ARFGAP3: variants seen among roughly 807,000 people sequenced by gnomAD.
The protein encoded by ARFGAP3 is ADP-ribosylation factor GTPase-activating protein 3.
A neutral mutation model predicts 75.0 loss-of-function variants in ARFGAP3; 72 were observed. The observed-to-expected ratio is 0.96, with a 90% confidence interval of 0.79 to 1.17. The LOEUF (loss-of-function observed/expected upper bound fraction) is 1.17. Among genes scored for constraint, ARFGAP3 ranks in the 50% most tolerant of loss-of-function variants. The pLI, the probability that ARFGAP3 is intolerant of heterozygous loss-of-function variation, is 0.00. For synonymous variants in ARFGAP3, 221 were observed against 217.9 expected, an observed-to-expected ratio of 1.01 and a Z score of -0.13; for missense variants, 620 against 626.6, an observed-to-expected ratio of 0.99 and a Z score of 0.11.
At chr22:42,843,362 C>T (rs1046091038) in intron 2 of ARFGAP3, among the ~76,000 whole-genome samples, 1 of 152,170 alleles carries the variant, frequency 6.6e-6, no homozygotes, top group African/African-American at 2.4e-5. Context: ...TCTGAAGGTC[C>T]GAGTGCTGAC....
At chr22:42,849,181 G>A (rs749716420) in intron 1 of ARFGAP3, among the ~76,000 whole-genome samples, 35 of 152,138 alleles carry the variant, frequency 2.3e-4, no homozygotes, top group Admixed American at 1.4e-3. Flanking sequence ...AAAGACCCTG[G>A]GTCAGAAGCA....
intron 1 of ARFGAP3, among the ~76,000 whole-genome samples, chr22:42,854,868 G>A (rs1927430939): frequency 6.6e-6 from 1 of 152,056 alleles, no homozygotes; most frequent in African/African-American, 2.4e-5. Context: ...TCAAATAAAA[G>A]GTCTCAACCA....
At chr22:42,814,709 C>T (rs1925504912) in intron 11 of ARFGAP3, among the ~76,000 whole-genome samples, 1 of 152,178 alleles carries the variant, frequency 6.6e-6, no homozygotes, top group African/African-American at 2.4e-5. Context: ...ACCAACCCGG[C>T]TACCAAGCAA....
rs188727547 is a variant in ARFGAP3, at chr22:42,809,611, G to C, written c.1197-721C>G. 3.3e-3 allele frequency among the ~76,000 whole-genome samples: 499 copies of C among 152,176 alleles called. 2 individuals carry two copies. Among genetic ancestry groups the C allele is most frequent in the Non-Finnish European group, 5.9e-3 (401 of 68,016 alleles). ...ATTTGGGGGTGATGGGAACTGTTCT[G>C]TTTCTTGGTTTTGGTGGTAATTACA... On this transcript the variant is annotated intron_variant, in intron 12 of 15. Coordinates refer to ENST00000263245, the MANE Select transcript of ARFGAP3 (RefSeq NM_014570.5).
chr22:42,834,170 A>G, intron 5 of ARFGAP3, 72 bp downstream of exon 5: 2 of 1,420,498 alleles, frequency 1.4e-6, no homozygotes, highest in Non-Finnish European at 2.0e-6. Flanking sequence ...ACATCCTAAC[A>G]TTTTAAATAT....
At chr22:42,852,399 G>T (rs184422622) in intron 1 of ARFGAP3, among the ~76,000 whole-genome samples, 1 of 151,254 alleles carries the variant, frequency 6.6e-6, no homozygotes, top group Non-Finnish European at 1.5e-5. Context: ...TCGCTCTGTC[G>T]CCCACTCTTG....
At chr22:42,807,892 G>A (rs1307391820) in intron 13 of ARFGAP3, among the ~76,000 whole-genome samples, 10 of 150,714 alleles carry the variant, frequency 6.6e-5, no homozygotes, top group Admixed American at 6.0e-4. Flanking sequence ...CTAGAAGCGC[G>A]TACCACCATA....
chr22:42,847,444 GA>G, intron 2 of ARFGAP3, 69 bp downstream of exon 2: 2 of 1,387,664 alleles, frequency 1.4e-6, no homozygotes, highest in South Asian at 1.2e-5. Flanking sequence ...AAAAAGAAAA[GA>G]AAAAAGGGAA....
In ARFGAP3 at chr22:42,817,791, G is replaced by A. The variant is rs1385536193; in HGVS notation, c.879C>T (p.Asn293=). The change falls in exon 10 of 16, where the codon AAC becomes AAT. Residue 293 remains asparagine, a synonymous_variant. Transcript: ENST00000263245. ...EIQMKKDEKM[N]ISGKKNVDSD... ...AGTCAACATTTTTTTTGCCACTAAT[G>A]TTCATCTTTTCGTCTTTCTTCATTT... The A allele has an allele frequency of 2.5e-6, 4 of 1,613,116 alleles. No individual in the cohort carries two copies. The Admixed American group carries it at 5.0e-5, about 20-fold the overall frequency.
chr22:42,813,408 G>T (rs566196696), intron 11 of ARFGAP3, among the ~76,000 whole-genome samples: 36 of 152,282 alleles, frequency 2.4e-4, no homozygotes, highest in South Asian at 1.5e-3. Flanking sequence ...GCAGGGTGAG[G>T]GTGGGGTGGA....
intron 1 of ARFGAP3, among the ~76,000 whole-genome samples, chr22:42,852,160 T>C (rs1364217239): frequency 2.6e-5 from 4 of 151,030 alleles, no homozygotes; most frequent in Admixed American, 2.6e-4. Flanking sequence ...GCTCAAGCAA[T>C]CCTCCCACCT....
At chr22:42,856,224 C>T (rs1291532467) in intron 1 of ARFGAP3, among the ~76,000 whole-genome samples, 1 of 152,194 alleles carries the variant, frequency 6.6e-6, no homozygotes, top group Non-Finnish European at 1.5e-5. Flanking sequence ...AGACTTAAAA[C>T]CAACAGAAAC....
chr22:42,828,328 G>T (rs1926134081), intron 6 of ARFGAP3, among the ~76,000 whole-genome samples: 1 of 152,134 alleles, frequency 6.6e-6, no homozygotes, highest in Admixed American at 6.5e-5. Flanking sequence ...GGAGGCCAAG[G>T]GGGACGCATC....
rs772789698 is a variant in ARFGAP3 at position 42,808,722 on chromosome 22, C to T, written c.1320+45G>A. 26 of 1,504,046 alleles carry T rather than the reference C, an allele frequency of 1.7e-5. No individual in the cohort carries two copies. The East Asian group carries it at 5.5e-4, about 32-fold the overall frequency. The allele number at this position is 1,504,046 out of a possible 1,614,324, so 93.2% of individuals were successfully genotyped here. On this transcript the variant is annotated intron_variant, in intron 13 of 15. Coordinates refer to ENST00000263245, the MANE Select transcript of ARFGAP3 (RefSeq NM_014570.5). The stretch of plus-strand genomic sequence containing the variant: ...CCGACAATGCCCACACCCACACTTC[C>T]TTCCTGCATTATGGGGCACCCAAAG...
intron 11 of ARFGAP3, among the ~76,000 whole-genome samples, chr22:42,814,927 G>T (rs376941559): frequency 2.6e-4 from 39 of 152,268 alleles, no homozygotes; most frequent in African/African-American, 9.1e-4. Flanking sequence ...TTGTAAAGAT[G>T]AGGTCTCACT....
chr22:42,849,774 T>C (rs1927192430), intron 1 of ARFGAP3, among the ~76,000 whole-genome samples: 1 of 151,992 alleles, frequency 6.6e-6, no homozygotes, highest in Non-Finnish European at 1.5e-5. Flanking sequence ...TTGCCTAAGC[T>C]GGTCTTGAAC....
At chr22:42,807,031 C>A in intron 14 of ARFGAP3, 42 bp downstream of exon 14, 3 of 1,550,634 alleles carry the variant, frequency 1.9e-6, no homozygotes, top group Middle Eastern at 1.7e-4. Context: ...GTGTTCATAC[C>A]GTAGACATGA....
chr22:42,847,092 A>G (rs1022777340), intron 2 of ARFGAP3: 1 of 170,046 alleles, frequency 5.9e-6, no homozygotes, highest in East Asian at 1.8e-4. Context: ...ACCCATACCA[A>G]TGAGGGCTCA....
At chr22:42,797,763 C>A in intron 15 of ARFGAP3, 158 bp from the exon 16 acceptor site, 2 of 985,024 alleles carry the variant, frequency 2.0e-6, no homozygotes, top group Non-Finnish European at 2.4e-6. Flanking sequence ...TGGAAGCAGC[C>A]ATTGCTGCAG....
Sources: gnomAD v4.1 joint callset for allele counts (sites outside exome capture counted in the v4.1 genomes callset) on GRCh38, gnomAD v4.1.1 for gene constraint, MANE v1.5 for transcripts, NCBI Gene and HGNC (gene_info 2026-07-23, HGNC 2026-07-21) for gene names.